The following MYH1 variants were observed in gnomAD, a reference collection of about 807,000 sequenced individuals.
The protein encoded by MYH1 is myosin-1.
In MYH1, 214 loss-of-function variants were observed where a neutral mutation model predicts 225.6. That is an observed-to-expected ratio of 0.95 (90% confidence interval 0.85 to 1.06). The LOEUF (loss-of-function observed/expected upper bound fraction) is 1.06. Among genes scored for constraint, MYH1 ranks in the 50% least tolerant of loss-of-function variants. The pLI is 0.00. For missense variants in MYH1, 2,098 were observed against 2,344.2 expected, an observed-to-expected ratio of 0.89 and a Z score of 2.17; for synonymous variants, 774 against 842.3, an observed-to-expected ratio of 0.92 and a Z score of 1.40.
In MYH1 at chr17:10,494,408, C is replaced by G. The variant is rs553020540; in HGVS notation, c.5613G>C (p.Leu1871=). The change falls in exon 39 of 40, where the codon CTG becomes CTC. Residue 1871 remains leucine (L), a synonymous_variant. Coordinates refer to ENST00000226207, the MANE Select transcript of MYH1 (RefSeq NM_005963.4). Reference sequence around the variant, plus strand: ...TCACCTTTGCTTGCAGTTTGTCCACCAGGTCCTGGAGCCTGAGAATATTCT... The same window carrying G: ...TCACCTTTGCTTGCAGTTTGTCCACGAGGTCCTGGAGCCTGAGAATATTCT... The part of the protein sequence containing the change: ...DRKNILRLQD[L]VDKLQAKVKS... The G allele has an allele frequency of 5.6e-6, 9 of 1,614,188 alleles. No individual in the cohort carries two copies. The Admixed American group carries it at 6.7e-5, about 12-fold the overall frequency.
intron 14 of MYH1, among the ~76,000 whole-genome samples, chr17:10,509,921 G>A (rs931906854): frequency 2.6e-5 from 4 of 152,074 alleles, no homozygotes; most frequent in Non-Finnish European, 4.4e-5. Flanking sequence ...GCAAACTAAC[G>A]CAGGAACAGA....
Position 10,501,806 on chromosome 17 carries a change from T to G in MYH1, c.3217A>C (p.Ile1073Leu). Residue 1073 changes from isoleucine to leucine, a missense_variant, in exon 25 of 40, where the codon ATA (isoleucine) becomes CTA (leucine). Ile to Leu is a conservative substitution (Grantham distance 5, BLOSUM62 2). Transcript: ENST00000226207. ...LKLAQESTMD[I>L]ENDKQQLDEK... is the part of the protein sequence containing the mutation. ...TCAAGTTGTTGTTTGTCATTTTCTA[T>G]ATCCATTGTGGATTCTTGAGCCAAT... The G allele has an allele frequency of 6.2e-7, 1 of 1,613,826 alleles. No homozygotes were observed. The highest frequency in any genetic ancestry group is 8.5e-7 in the Non-Finnish European group (1 of 1,179,794).
In MYH1 at chr17:10,501,367, T is replaced by C. The variant is rs2073054803; in HGVS notation, c.3481A>G (p.Thr1161Ala). 6.2e-7 allele frequency: 1 copy of C among 1,614,124 alleles called. No individual in the cohort carries two copies. Among genetic ancestry groups the C allele is most frequent in the South Asian group, 1.1e-5 (1 of 91,078 alleles). Residue 1161 changes from threonine to alanine, a missense_variant, in exon 27 of 40, where the codon ACC becomes GCC. Coordinates refer to ENST00000226207, the MANE Select transcript of MYH1 (RefSeq NM_005963.4). ...SERLEEAGGA[T>A]SAQIEMNKKR... is the part of the protein sequence containing the mutation. Reference sequence around the variant, plus strand: ...TTGTTCATCTCAATCTGGGCTGAGGTGGCCCCACCGGCTTCTTCCAGCCTC... The same window carrying C: ...TTGTTCATCTCAATCTGGGCTGAGGCGGCCCCACCGGCTTCTTCCAGCCTC...
At chr17:10,515,187 A>G (rs2073213179) in intron 5 of MYH1, among the ~76,000 whole-genome samples, 2 of 152,248 alleles carry the variant, frequency 1.3e-5, no homozygotes, top group Admixed American at 6.5e-5. Context: ...TATTTAATAG[A>G]TTGAAATAGT....
In MYH1 at chr17:10,500,642, G is replaced by A; in HGVS notation, c.3849C>T (p.Arg1283=). The part of the protein sequence containing the change: ...LINDLTAQRA[R]LQTESGEYSR... Reference sequence around the variant, plus strand: ...ATGGCCCACCTGATTCTGTTTGCAGGCGCGCTCTCTGTGCTGTGAGGTCAT... The same window carrying A: ...ATGGCCCACCTGATTCTGTTTGCAGACGCGCTCTCTGTGCTGTGAGGTCAT... Residue 1283 remains arginine (R), a synonymous_variant, in exon 28 of 40, where the codon CGC becomes CGT. Coordinates refer to ENST00000226207, the MANE Select transcript of MYH1 (RefSeq NM_005963.4). 1 of 1,613,442 alleles carries A rather than the reference G, an allele frequency of 6.2e-7. No homozygotes were observed. Among genetic ancestry groups the A allele is most frequent in the Non-Finnish European group, 8.5e-7 (1 of 1,179,998 alleles).
chr17:10,499,945 A>G (rs1458815998), intron 28 of MYH1, among the ~76,000 whole-genome samples: 2 of 152,320 alleles, frequency 1.3e-5, no homozygotes, highest in African/African-American at 2.4e-5. Flanking sequence ...ACTCTGGTAG[A>G]AAGTTGGACA....
chr17:10,501,000 A>C (rs2073048152), intron 27 of MYH1, 110 bp downstream of exon 27: 2 of 1,522,636 alleles, frequency 1.3e-6, no homozygotes, highest in Non-Finnish European at 1.8e-6. Flanking sequence ...ACGTGATATG[A>C]GAAAAAGGGT....
At chr17:10,498,012 T>C in intron 30 of MYH1, 95 bp from the exon 31 acceptor site, 6 of 1,207,652 alleles carry the variant, frequency 5.0e-6, no homozygotes, top group Non-Finnish European at 6.8e-6. Flanking sequence ...CAGACTTCTT[T>C]AATACTTTGC....
chr17:10,516,668 A>G lies in MYH1; in HGVS notation c.-26T>C, dbSNP rs1360160566. 6.2e-7 allele frequency: 1 copy of G among 1,612,844 alleles called. No homozygotes were observed. Among genetic ancestry groups the G allele is most frequent in the Non-Finnish European group, 8.5e-7 (1 of 1,178,994 alleles). ...GGCTGCAGGTTATTGATGGTAGCCC[A>G]GTTAAGGACCCTGGCTGGGAGAGGA... is the stretch of plus-strand genomic sequence containing the variant. On this transcript the variant is annotated 5_prime_UTR_variant, in exon 3 of 40. Coordinates refer to ENST00000226207, the MANE Select transcript of MYH1 (RefSeq NM_005963.4).
At chr17:10,516,170 T>C in intron 4 of MYH1, 29 bp downstream of exon 4, 2 of 1,613,652 alleles carry the variant, frequency 1.2e-6, no homozygotes, top group Non-Finnish European at 8.5e-7. Flanking sequence ...ACTACTCTCA[T>C]GAGTAGAAGA....
At chr17:10,503,691 G>T (rs1173152452) in intron 22 of MYH1, among the ~76,000 whole-genome samples, 1 of 152,206 alleles carries the variant, frequency 6.6e-6, no homozygotes, top group Non-Finnish European at 1.5e-5. Flanking sequence ...TGTTCAAGGT[G>T]ATGCTTAGAG....
intron 22 of MYH1, among the ~76,000 whole-genome samples, 184 bp downstream of exon 22, chr17:10,504,626 A>G (rs913691833): frequency 6.6e-6 from 1 of 152,234 alleles, no homozygotes; most frequent in Non-Finnish European, 1.5e-5. Context: ...TTGACATCAA[A>G]GAATCCTACC....
chr17:10,512,299 C>T, intron 12 of MYH1, 107 bp from the exon 13 acceptor site: 1 of 1,594,360 alleles, frequency 6.3e-7, no homozygotes, highest in Non-Finnish European at 8.6e-7. Context: ...TGTGTGGGTA[C>T]ATCTGAGTAT....
At chr17:10,517,402 T>A (rs1028162118) in intron 2 of MYH1, among the ~76,000 whole-genome samples, 1 of 152,240 alleles carries the variant, frequency 6.6e-6, no homozygotes. Flanking sequence ...TTAGCATTTC[T>A]TAAATATTTA....
intron 14 of MYH1, among the ~76,000 whole-genome samples, chr17:10,510,187 G>T (rs533135632): frequency 5.9e-5 from 9 of 152,102 alleles, no homozygotes; most frequent in Admixed American, 1.3e-4. Flanking sequence ...TATAGTATTT[G>T]TTTTTGTTAG....
Position 10,506,082 on chromosome 17 carries a change from C to A in MYH1, c.1986G>T (p.Leu662=). 1 of 1,614,182 alleles carries A rather than the reference C, an allele frequency of 6.2e-7. No individual in the cohort carries two copies. The change falls in exon 18 of 40, where the codon CTG becomes CTT. Residue 662 remains leucine, a synonymous_variant. Transcript: ENST00000226207. ...GGTGAGTGCTCCTCAAGTTGGTCAT[C>A]AGCTTATTCAAATTCTCCTGTGGAA... ...SALFRENLNK[L]MTNLRSTHPH...
chr17:10,513,170 C>G (rs919706110), intron 9 of MYH1, among the ~76,000 whole-genome samples: 4 of 152,096 alleles, frequency 2.6e-5, no homozygotes, highest in Non-Finnish European at 1.5e-5. Flanking sequence ...ATGCTTGGCT[C>G]AAGATATTCA....
rs572348018 is a variant in MYH1, at chr17:10,513,857, G to A, written c.705C>T (p.Asn235=). ...SANPLLEAFG[N]AKTVRNDNSS... ...AGTTGTCATTCCTCACGGTCTTGGC[G>A]TTGCCAAAGGCCTCCAGTAGGGGGT... Residue 235 remains asparagine, a synonymous_variant, in exon 8 of 40, where the codon AAC becomes AAT. Coordinates refer to ENST00000226207, the MANE Select transcript of MYH1 (RefSeq NM_005963.4). 86 of 1,614,122 alleles carry A rather than the reference G, an allele frequency of 5.3e-5. No homozygotes were observed. In the East Asian group the frequency reaches 1.3e-3, roughly 24 times the overall value.
chr17:10,497,577 T>C, intron 31 of MYH1, 125 bp from the exon 32 acceptor site: 1 of 1,466,426 alleles, frequency 6.8e-7, no homozygotes, highest in Non-Finnish European at 9.1e-7. Context: ...ATGAGAAGAA[T>C]AGAAACCATA....
Sources: gnomAD v4.1 joint callset for allele counts (sites outside exome capture counted in the v4.1 genomes callset) on GRCh38, gnomAD v4.1.1 for gene constraint, MANE v1.5 for transcripts, NCBI Gene and HGNC (gene_info 2026-07-23, HGNC 2026-07-21) for gene names.